The following IPO11 variants were observed in gnomAD, a reference collection of about 807,000 sequenced individuals.
IPO11 encodes the protein importin 11.
In IPO11, 66 loss-of-function variants were observed where a neutral mutation model predicts 143.2. The ratio of observed to expected loss-of-function variants is 0.46; its 90% CI spans 0.38 to 0.57. The LOEUF (loss-of-function observed/expected upper bound fraction) is 0.57, where lower values mean the gene tolerates loss of function less well. IPO11 is among the 20% of genes least tolerant of loss of function. The probability of loss-of-function intolerance (pLI) is 0.00; values close to 1 mark genes in which losing one functional copy is unlikely to be tolerated. For synonymous variants in IPO11, 385 were observed against 377.8 expected (o/e 1.02, Z -0.22); for missense variants, 1,026 against 1,141.0 (o/e 0.90, Z 1.45).
intron 22 of IPO11, among the ~76,000 whole-genome samples, chr5:62,532,462 ATTC>A (rs528485932): frequency 4.7e-4 from 72 of 152,248 alleles, no homozygotes; most frequent in Admixed American, 1.3e-3. Flanking sequence ...GGTTCAAGCA[ATTC>A]TTCTGCCTCA....
chr5:62,463,864 C>G (rs1053026852), intron 5 of IPO11, among the ~76,000 whole-genome samples: 1 of 150,802 alleles, frequency 6.6e-6, no homozygotes, highest in African/African-American at 2.4e-5. Flanking sequence ...CGCTCTGTTA[C>G]GCAGGCTGGA....
rs1745442389 is a variant in IPO11 at position 62,463,315 on chromosome 5, GGATTACA to G, written c.517-3814_517-3808del. ...CTTGCCTTAGCCTCCCAAAGTGCTAGGATTACAGTTGTGAGATACCATGCCCAGGGTG... is the reference window on the plus strand; with the variant it reads ...CTTGCCTTAGCCTCCCAAAGTGCTAGGTTGTGAGATACCATGCCCAGGGTG... On this transcript the variant is annotated intron_variant, in intron 5 of 29. Coordinates refer to ENST00000325324, the MANE Select transcript of IPO11 (RefSeq NM_016338.5). Among the ~76,000 whole-genome samples, 3 of 152,010 alleles carry G rather than the reference GGATTACA, an allele frequency of 2.0e-5. No homozygotes were observed. In the South Asian group the frequency reaches 6.2e-4, roughly 32 times the overall value.
At chr5:62,598,612 T>G (rs1476496974) in intron 28 of IPO11, among the ~76,000 whole-genome samples, 1 of 144,726 alleles carries the variant, frequency 6.9e-6, no homozygotes, top group African/African-American at 2.6e-5. Context: ...TGGTGTGATC[T>G]CGGCTCATTG....
intron 5 of IPO11, among the ~76,000 whole-genome samples, chr5:62,466,779 A>C (rs923537053): frequency 1.3e-5 from 2 of 152,248 alleles, no homozygotes; most frequent in Admixed American, 6.5e-5. Flanking sequence ...GTGACAGTCC[A>C]TAAATCATTG....
chr5:62,594,664 C>T (rs1394723543), intron 28 of IPO11, among the ~76,000 whole-genome samples: 1 of 152,198 alleles, frequency 6.6e-6, no homozygotes, highest in African/African-American at 2.4e-5. Context: ...CAAGTTGACA[C>T]AAAATTAGCC....
intron 2 of IPO11, among the ~76,000 whole-genome samples, chr5:62,440,752 C>T (rs1424958820): frequency 6.6e-6 from 1 of 152,022 alleles, no homozygotes; most frequent in Non-Finnish European, 1.5e-5. Context: ...CACCTGAGGT[C>T]AGGCGTTCAA....
chr5:62,504,595 A>G, intron 16 of IPO11, 72 bp from the exon 17 acceptor site: 1 of 869,654 alleles, frequency 1.1e-6, no homozygotes, highest in Non-Finnish European at 1.8e-6. Context: ...TTGGAATAAA[A>G]TTTTTTGTTT....
At chr5:62,480,713 G>T (rs1746162703) in intron 9 of IPO11, among the ~76,000 whole-genome samples, 2 of 152,030 alleles carry the variant, frequency 1.3e-5, no homozygotes, top group Non-Finnish European at 2.9e-5. Context: ...GTGAATGGGA[G>T]TTCACTTATG....
chr5:62,567,070 T>C (rs796332250), intron 27 of IPO11, among the ~76,000 whole-genome samples: 1 of 152,314 alleles, frequency 6.6e-6, no homozygotes, highest in East Asian at 1.9e-4. Context: ...TTCTTTAAGA[T>C]TGATGAATTC....
chr5:62,505,551 T>A lies in IPO11; in HGVS notation c.1665+653T>A, dbSNP rs572518848. On this transcript the variant is annotated intron_variant, in intron 18 of 29. Transcript: ENST00000325324. ...GCTTTAATAAAATAATCACTAGACA[T>A]TTTTGGATGAAAGAAATGTGTTGTA... Among the ~76,000 whole-genome samples the A allele has an allele frequency of 5.3e-5, 8 of 152,208 alleles. No individual in the cohort carries two copies. The South Asian group carries it at 1.7e-3, about 31-fold the overall frequency.
chr5:62,590,832 G>T (rs1488832013), intron 27 of IPO11, among the ~76,000 whole-genome samples: 1 of 151,916 alleles, frequency 6.6e-6, no homozygotes. Flanking sequence ...TAATGATTTT[G>T]AGCATCCTTT....
intron 29 of IPO11, among the ~76,000 whole-genome samples, chr5:62,623,648 T>C (rs1479001337): frequency 1.3e-5 from 2 of 149,742 alleles, no homozygotes; most frequent in Admixed American, 6.6e-5. Context: ...TCTTTTTCTT[T>C]TTTTTTTTTT....
At chr5:62,433,281 T>C (rs1264849055) in intron 1 of IPO11, among the ~76,000 whole-genome samples, 4 of 152,148 alleles carry the variant, frequency 2.6e-5, no homozygotes, top group Non-Finnish European at 5.9e-5. Context: ...AGAACATTGT[T>C]ATGTATGGCT....
chr5:62,624,531 G>A (rs762199793), intron 29 of IPO11, among the ~76,000 whole-genome samples: 14 of 152,120 alleles, frequency 9.2e-5, no homozygotes, highest in Non-Finnish European at 1.9e-4. Flanking sequence ...GTTTTGGTGG[G>A]TTTTAGCCAG....
intron 8 of IPO11, among the ~76,000 whole-genome samples, chr5:62,475,369 A>C (rs757882625): frequency 1.1e-4 from 16 of 152,166 alleles, no homozygotes; most frequent in Non-Finnish European, 2.4e-4. Context: ...AAAAATATTA[A>C]AAAGTTAGCC....
At chr5:62,581,268 TGAG>T (rs1159691150) in intron 27 of IPO11, 4 of 1,537,978 alleles carry the variant, frequency 2.6e-6, no homozygotes, top group Non-Finnish European at 2.6e-6. Context: ...TTCCTGAAAA[TGAG>T]GCACAGGTCA....
At chr5:62,437,187 A>T in intron 1 of IPO11, 87 bp from the exon 2 acceptor site, 1 of 1,081,868 alleles carries the variant, frequency 9.2e-7, no homozygotes, top group Non-Finnish European at 1.3e-6. Flanking sequence ...AATTCAGAAC[A>T]TGAAAGCTTT....
At chr5:62,621,906 A>C (rs979090759) in intron 29 of IPO11, among the ~76,000 whole-genome samples, 11 of 152,144 alleles carry the variant, frequency 7.2e-5, no homozygotes, top group Admixed American at 2.0e-4. Flanking sequence ...AACATTTCCT[A>C]GTATGCACAC....
chr5:62,511,952 C>CA (rs1741762384), intron 19 of IPO11, among the ~76,000 whole-genome samples: 1 of 151,896 alleles, frequency 6.6e-6, no homozygotes, highest in Non-Finnish European at 1.5e-5. Flanking sequence ...GTCTCAAACT[C>CA]AGATGCTTCC....
Sources: allele counts gnomAD v4.1 joint callset (sites outside exome capture counted in the v4.1 genomes callset), GRCh38; gene constraint gnomAD v4.1.1; transcripts MANE v1.5; gene names NCBI Gene and HGNC (gene_info 2026-07-23, HGNC 2026-07-21).